Variants in EPM2A observed in about 807,000 individuals in gnomAD.
EPM2A encodes EPM2A glucan phosphatase, laforin, also known as laforin.
A neutral mutation model predicts 26.5 loss-of-function variants in EPM2A; 21 were observed. That is an observed-to-expected ratio of 0.79 (90% CI 0.56 to 1.14). The LOEUF (loss-of-function observed/expected upper bound fraction) is 1.14. EPM2A is among the 50% of genes most tolerant of loss of function. The pLI, the probability that EPM2A is intolerant of heterozygous loss-of-function variation, is 0.00. For missense variants in EPM2A, 458 were observed against 440.8 expected, an observed-to-expected ratio of 1.04 and a Z score of -0.35; for synonymous variants, 217 against 177.6, an observed-to-expected ratio of 1.22 and a Z score of -1.76.
chr6:145,665,455 C>G (rs1410016363), intron 2 of EPM2A, among the ~76,000 whole-genome samples: 2 of 110,610 alleles, frequency 1.8e-5, no homozygotes, highest in African/African-American at 3.8e-5. Context: ...TCTCCCAAGA[C>G]TAAACCAGGA....
chr6:145,536,548 C>T (rs746590737), intron 2 of EPM2A, among the ~76,000 whole-genome samples: 3 of 152,038 alleles, frequency 2.0e-5, no homozygotes, highest in African/African-American at 4.8e-5. Context: ...CCACCCGCCT[C>T]GGCCTCCAAA....
chr6:145,710,417 T>C (rs1425518475), intron 1 of EPM2A, among the ~76,000 whole-genome samples: 3 of 152,124 alleles, frequency 2.0e-5, no homozygotes, highest in African/African-American at 4.8e-5. Flanking sequence ...AAAACCACAA[T>C]TAGATACCAT....
At position 145,465,237 on chromosome 6, in the gene EPM2A, T is replaced by C. The variant is rs185294500; in HGVS notation, c.555+37285A>G. Among the ~76,000 whole-genome samples the C allele has an allele frequency of 2.1e-3, 319 of 152,214 alleles. 1 individual carries two copies. Among genetic ancestry groups the C allele is most frequent in the African/African-American group, 7.3e-3 (305 of 41,524 alleles). ...CATTTCATTCATCTTCCATCGCTGA[T>C]ACCCTTTCTTCCAGTTGATCGCATC... On this transcript the variant is annotated intron_variant, in intron 4 of 4. Transcript: ENST00000638717.
chr6:145,437,597 C>A (rs1361169043), intron 4 of EPM2A, among the ~76,000 whole-genome samples: 1 of 152,172 alleles, frequency 6.6e-6, no homozygotes, highest in Non-Finnish European at 1.5e-5. Context: ...GGCTGCTCAC[C>A]TAGGTGATTC....
chr6:145,546,301 A>G (rs902654834), intron 2 of EPM2A, among the ~76,000 whole-genome samples: 3 of 152,160 alleles, frequency 2.0e-5, no homozygotes. Context: ...AAGGTGGAAG[A>G]AGATAGGTAA....
At chr6:145,521,906 C>A (rs1382190235) in intron 2 of EPM2A, among the ~76,000 whole-genome samples, 3 of 152,196 alleles carry the variant, frequency 2.0e-5, no homozygotes, top group African/African-American at 7.2e-5. Flanking sequence ...AGATCCATGT[C>A]TTTATATCCT....
At chr6:145,637,069 G>T (rs1486775537) in intron 2 of EPM2A, 2 of 152,014 alleles carry the variant, frequency 1.3e-5, no homozygotes, top group Non-Finnish European at 2.9e-5. Context: ...TAAAAATCTT[G>T]TAAGGAATAA....
At chr6:145,462,846 T>C in intron 4 of EPM2A, among the ~76,000 whole-genome samples, 1 of 152,120 alleles carries the variant, frequency 6.6e-6, no homozygotes, top group East Asian at 1.9e-4. Context: ...CTTCCTGCTT[T>C]TGCTCCAAAT....
intron 2 of EPM2A, among the ~76,000 whole-genome samples, chr6:145,666,703 C>A (rs1455264930): frequency 7.1e-6 from 1 of 140,638 alleles, no homozygotes; most frequent in Non-Finnish European, 1.5e-5. Context: ...CCCGCATCGC[C>A]AAGTCAATCC....
intron 2 of EPM2A, among the ~76,000 whole-genome samples, chr6:145,579,830 G>T (rs918434145): frequency 6.6e-6 from 1 of 151,784 alleles, no homozygotes; most frequent in Non-Finnish European, 1.5e-5. Context: ...TCTTCTCTTT[G>T]TTGGCTTTTC....
intron 4 of EPM2A, among the ~76,000 whole-genome samples, chr6:145,438,467 TA>T (rs1779017642): frequency 9.4e-6 from 1 of 106,680 alleles, no homozygotes; most frequent in South Asian, 3.3e-4. Context: ...GAGAAGGGAA[TA>T]ATTTTTTTTT....
chr6:145,490,526 A>G (rs1423972368), intron 4 of EPM2A: 2 of 717,988 alleles, frequency 2.8e-6, no homozygotes, highest in Non-Finnish European at 5.3e-6. Flanking sequence ...CAGTACTGAC[A>G]TACATAAACT....
At chr6:145,554,143 TC>T (rs1780690001) in intron 2 of EPM2A, among the ~76,000 whole-genome samples, 1 of 151,942 alleles carries the variant, frequency 6.6e-6, no homozygotes, top group Non-Finnish European at 1.5e-5. Context: ...ATACAAAAGT[TC>T]TTGCCCTCTT....
intron 4 of EPM2A, among the ~76,000 whole-genome samples, chr6:145,480,114 CTT>C (rs1045165642): frequency 1.2e-4 from 18 of 151,854 alleles, no homozygotes; most frequent in Admixed American, 1.1e-3. Context: ...TTGTCTGTCT[CTT>C]TGTTTTTCAG....
chr6:145,608,739 T>C (rs1775325279), intron 2 of EPM2A, among the ~76,000 whole-genome samples: 1 of 152,164 alleles, frequency 6.6e-6, no homozygotes, highest in Admixed American at 6.5e-5. Context: ...AATGCAAGCA[T>C]GCCATGGAGA....
At chr6:145,671,221 C>T (rs558645108) in intron 2 of EPM2A, 5 of 1,026,830 alleles carry the variant, frequency 4.9e-6, no homozygotes, top group Admixed American at 5.4e-5. Flanking sequence ...TATCATTATA[C>T]AAGAAGTGTA....
chr6:145,677,513 T>C (rs965463587), intron 2 of EPM2A, among the ~76,000 whole-genome samples: 4 of 152,236 alleles, frequency 2.6e-5, no homozygotes, highest in Admixed American at 6.5e-5. Context: ...GCAGATGTCA[T>C]GATTGTATAT....
At chr6:145,411,769 C>CG (rs1385113427) in intron 4 of EPM2A, among the ~76,000 whole-genome samples, 1 of 152,138 alleles carries the variant, frequency 6.6e-6, no homozygotes, top group Admixed American at 6.5e-5. Flanking sequence ...GTAAGAACAT[C>CG]GCCTAAAACT....
At chr6:145,680,871 T>C (rs895636029) in intron 2 of EPM2A, among the ~76,000 whole-genome samples, 2 of 151,804 alleles carry the variant, frequency 1.3e-5, no homozygotes, top group African/African-American at 2.4e-5. Context: ...TGTGTCTTTA[T>C]AGCAGCATGA....
Sources: gnomAD v4.1 joint callset for allele counts (sites outside exome capture counted in the v4.1 genomes callset) on GRCh38, gnomAD v4.1.1 for gene constraint, MANE v1.5 for transcripts, NCBI Gene and HGNC (gene_info 2026-07-23, HGNC 2026-07-21) for gene names.